AKAP9: variants seen among roughly 807,000 people sequenced by gnomAD.
The protein encoded by AKAP9 is A-kinase anchor protein 9.
AKAP9 carries 311 observed loss-of-function variants against 488.5 expected under a neutral mutation model. The observed-to-expected ratio is 0.64, with a 90% CI of 0.58 to 0.70. The LOEUF (loss-of-function observed/expected upper bound fraction) is 0.70, where lower values mean the gene tolerates loss of function less well. Among genes scored for constraint, AKAP9 ranks in the 30% least tolerant of loss-of-function variants. AKAP9 has a pLI of 0.00. For missense variants in AKAP9, 4,215 were observed against 4,374.5 expected, an observed-to-expected ratio of 0.96 and a Z score of 1.03; for synonymous variants, 1,462 against 1,483.5, an observed-to-expected ratio of 0.99 and a Z score of 0.33.
At chr7:91,958,414 T>G (rs553040408) in intron 1 of AKAP9, among the ~76,000 whole-genome samples, 1 of 152,208 alleles carries the variant, frequency 6.6e-6, no homozygotes, top group Non-Finnish European at 1.5e-5. Flanking sequence ...GGATTAAACT[T>G]AATAATATAC....
chr7:92,011,277 G>C (rs1800710802), intron 8 of AKAP9, among the ~76,000 whole-genome samples: 1 of 152,086 alleles, frequency 6.6e-6, no homozygotes, highest in South Asian at 2.1e-4. Flanking sequence ...TAAGAAATGA[G>C]ATAAAGAATA....
chr7:91,942,612 T>A (rs1790912273), intron 1 of AKAP9, among the ~76,000 whole-genome samples: 1 of 152,218 alleles, frequency 6.6e-6, no homozygotes, highest in Admixed American at 6.5e-5. Flanking sequence ...ACAATTTTTA[T>A]TGCCTGCCCC....
rs779534045 is a variant in AKAP9, at chr7:92,101,006, G to C, written c.11047G>C (p.Asp3683His). Residue 3683 changes from aspartate (D) to histidine (H), a missense_variant, in exon 45 of 50, where the codon GAC becomes CAC. By Grantham distance (81) the Asp-to-His change is moderately conservative. Coordinates refer to ENST00000356239, the MANE Select transcript of AKAP9 (RefSeq NM_005751.5). ...CAAACTGAAAGCTGAACTAAGAAATGACTCTTTACTTCAAACTCTGAGCCC... is the reference window on the plus strand; with the variant it reads ...CAAACTGAAAGCTGAACTAAGAAATCACTCTTTACTTCAAACTCTGAGCCC... ...VYKLKAELRN[D>H]SLLQTLSPDS... The C allele has an allele frequency of 6.2e-7, 1 of 1,614,084 alleles. No homozygotes were observed. The highest frequency in any genetic ancestry group is 8.5e-7 in the Non-Finnish European group (1 of 1,180,014).
chr7:91,995,090 T>A (rs1719339249), intron 6 of AKAP9, among the ~76,000 whole-genome samples: 1 of 152,228 alleles, frequency 6.6e-6, no homozygotes, highest in Non-Finnish European at 1.5e-5. Flanking sequence ...TCTGGTATGG[T>A]TTATTTTAGT....
At chr7:91,987,113 A>G (rs138751290) in intron 3 of AKAP9, among the ~76,000 whole-genome samples, 2 of 152,242 alleles carry the variant, frequency 1.3e-5, no homozygotes, top group East Asian at 1.9e-4. Context: ...AGAAGATTAC[A>G]TTGAAAAAAG....
chr7:91,971,399 T>C (rs986208990), intron 1 of AKAP9, among the ~76,000 whole-genome samples: 1 of 152,102 alleles, frequency 6.6e-6, no homozygotes, highest in Non-Finnish European at 1.5e-5. Flanking sequence ...TGGAGATCAC[T>C]AATTTCCTTT....
chr7:91,964,233 G>C (rs1562904260), intron 1 of AKAP9, among the ~76,000 whole-genome samples: 1 of 152,178 alleles, frequency 6.6e-6, no homozygotes, highest in Non-Finnish European at 1.5e-5. Context: ...GATTGTTGAA[G>C]GATGTGAGTT....
At chr7:92,055,446 A>G (rs1258648728) in intron 22 of AKAP9, among the ~76,000 whole-genome samples, 2 of 152,206 alleles carry the variant, frequency 1.3e-5, no homozygotes, top group South Asian at 2.1e-4. Context: ...GAACAAATCA[A>G]AGTCCAAAAG....
chr7:91,989,109 A>G (rs1310090401), intron 3 of AKAP9, among the ~76,000 whole-genome samples: 1 of 147,630 alleles, frequency 6.8e-6, no homozygotes, highest in East Asian at 1.9e-4. Flanking sequence ...TTTACACTAC[A>G]TTTATATGAA....
chr7:92,013,092 C>T (rs553510607), intron 9 of AKAP9, among the ~76,000 whole-genome samples: 6 of 144,518 alleles, frequency 4.2e-5, no homozygotes, highest in Non-Finnish European at 9.1e-5. Flanking sequence ...CCCGGGTTCA[C>T]GCCATTCTCC....
chr7:92,013,605 G>A (rs1801097341), intron 9 of AKAP9, among the ~76,000 whole-genome samples: 1 of 152,256 alleles, frequency 6.6e-6, no homozygotes, highest in South Asian at 2.1e-4. Flanking sequence ...AACTAAAGCT[G>A]TCCTTTCCAT....
Position 92,001,230 on chromosome 7 carries a change from A to G in AKAP9, c.1313A>G (p.Asp438Gly), listed in dbSNP as rs1309685293. ...RKLEQLRAEL[D>G]EMYGQQIVQM... ...TTAGAACAACTCCGGGCAGAGCTGGATGAGATGTATGGGCAGCAGATAGTG... is the reference window on the plus strand; with the variant it reads ...TTAGAACAACTCCGGGCAGAGCTGGGTGAGATGTATGGGCAGCAGATAGTG... Residue 438 changes from aspartate to glycine, a missense_variant, in exon 8 of 50, where the codon GAT (aspartate) becomes GGT (glycine). Around this residue, in one of 5 missense-constraint regions of AKAP9, gnomAD observed 2,361 missense variants for 2,430.0 expected, o/e 0.97. Coordinates refer to ENST00000356239, the MANE Select transcript of AKAP9 (RefSeq NM_005751.5). 5 of 1,614,036 alleles carry G rather than the reference A, an allele frequency of 3.1e-6. No homozygotes were observed. The highest frequency in any genetic ancestry group is 3.4e-6 in the Non-Finnish European group (4 of 1,179,960).
At chr7:92,090,907 G>T (rs1815437068) in intron 38 of AKAP9, among the ~76,000 whole-genome samples, 1 of 152,160 alleles carries the variant, frequency 6.6e-6, no homozygotes, top group Non-Finnish European at 1.5e-5. Flanking sequence ...CAGTATATGA[G>T]AGTTACGTTG....
At chr7:91,950,933 A>G (rs961249950) in intron 1 of AKAP9, among the ~76,000 whole-genome samples, 1 of 152,132 alleles carries the variant, frequency 6.6e-6, no homozygotes, top group African/African-American at 2.4e-5. Context: ...AATTTTTTAT[A>G]TTTGCCAAAA....
chr7:92,025,625 T>C (rs1361589748), intron 14 of AKAP9, among the ~76,000 whole-genome samples: 2 of 152,226 alleles, frequency 1.3e-5, no homozygotes, highest in Non-Finnish European at 2.9e-5. Context: ...AGAGAAACAC[T>C]AAGGTTGGAA....
chr7:92,079,087 A>G lies in AKAP9; in HGVS notation c.6954A>G (p.Glu2318=). 6.2e-7 allele frequency: 1 copy of G among 1,600,414 alleles called. No individual in the cohort carries two copies. Among genetic ancestry groups the G allele is most frequent in the Non-Finnish European group, 8.5e-7 (1 of 1,173,476 alleles). The stretch of plus-strand genomic sequence containing the variant: ...TTTTCATTAATTATTAGGTTATTGA[A>G]GAAAAAAATGAACTGATAAGGGATC... ...LKITTDNKVI[E]EKNELIRDLE... is the part of the protein sequence containing the mutation. Residue 2318 remains glutamate, a synonymous_variant, in exon 31 of 50, where the codon GAA becomes GAG. Coordinates refer to ENST00000356239, the MANE Select transcript of AKAP9 (RefSeq NM_005751.5).
At chr7:92,009,128 G>A (rs1259948099) in intron 8 of AKAP9, among the ~76,000 whole-genome samples, 1 of 152,018 alleles carries the variant, frequency 6.6e-6, no homozygotes, top group African/African-American at 2.4e-5. Flanking sequence ...AGACCAACCT[G>A]GGCAATATAG....
intron 14 of AKAP9, among the ~76,000 whole-genome samples, chr7:92,029,200 A>AT (rs909016042): frequency 1.3e-5 from 2 of 148,468 alleles, no homozygotes; most frequent in Admixed American, 6.7e-5. Flanking sequence ...GAAAAAAAAA[A>AT]TTTTTAATCA....
At chr7:92,074,985 A>G (rs1353681514) in intron 28 of AKAP9, among the ~76,000 whole-genome samples, 1 of 152,178 alleles carries the variant, frequency 6.6e-6, no homozygotes, top group African/African-American at 2.4e-5. Flanking sequence ...CATTCTGCAC[A>G]TGTATCCCAG....
Sources: allele counts gnomAD v4.1 joint callset (sites outside exome capture counted in the v4.1 genomes callset), GRCh38; gene constraint gnomAD v4.1.1; regional missense constraint gnomAD v4.1.1; transcripts MANE v1.5; gene names NCBI Gene and HGNC (gene_info 2026-07-23, HGNC 2026-07-21).